Variants in ARHGEF28 observed in about 807,000 individuals in gnomAD.
ARHGEF28 encodes the protein 190 kDa guanine nucleotide exchange factor.
A neutral mutation model predicts 206.6 loss-of-function variants in ARHGEF28; 152 were observed. That is an observed-to-expected ratio of 0.74 (90% CI 0.64 to 0.84). The LOEUF (loss-of-function observed/expected upper bound fraction) is 0.84, where lower values mean the gene tolerates loss of function less well. Ranked by LOEUF, ARHGEF28 falls within the 40% of genes least tolerant of loss-of-function variation. The pLI is 0.00. For missense variants in ARHGEF28, 2,028 were observed against 2,073.2 expected (o/e 0.98, Z 0.42); for synonymous variants, 763 against 776.4 (o/e 0.98, Z 0.29).
intron 4 of ARHGEF28, among the ~76,000 whole-genome samples, chr5:73,753,494 C>T (rs1021413365): frequency 6.6e-6 from 1 of 152,200 alleles, no homozygotes; most frequent in African/African-American, 2.4e-5. Flanking sequence ...GCTCCACTTC[C>T]CTTGGCAAGT....
chr5:73,752,586 A>G (rs539532203), intron 3 of ARHGEF28, among the ~76,000 whole-genome samples: 3 of 152,254 alleles, frequency 2.0e-5, no homozygotes, highest in Admixed American at 6.5e-5. Flanking sequence ...AACAAACACA[A>G]ATTCAGGGGT....
intron 16 of ARHGEF28, among the ~76,000 whole-genome samples, chr5:73,862,565 C>T (rs1338300667): frequency 1.3e-5 from 2 of 151,984 alleles, no homozygotes; most frequent in Non-Finnish European, 2.9e-5. Flanking sequence ...TTGTCTTCTC[C>T]AGGGATTTGG....
intron 7 of ARHGEF28, among the ~76,000 whole-genome samples, chr5:73,785,258 A>G (rs1754092619): frequency 6.6e-6 from 1 of 152,178 alleles, no homozygotes; most frequent in Non-Finnish European, 1.5e-5. Context: ...CAAGAAACCT[A>G]TATAATCTTG....
At chr5:73,721,429 G>A (rs1249524748) in intron 2 of ARHGEF28, among the ~76,000 whole-genome samples, 1 of 152,198 alleles carries the variant, frequency 6.6e-6, no homozygotes, top group African/African-American at 2.4e-5. Context: ...GTGCAAATAG[G>A]GAAAAATCTG....
Position 73,776,556 on chromosome 5 carries a change from C to T in ARHGEF28, c.700C>T (p.Leu234Phe). The T allele has an allele frequency of 6.2e-7, 1 of 1,613,776 alleles. No homozygotes were observed. Among genetic ancestry groups the T allele is most frequent in the African/African-American group, 1.3e-5 (1 of 75,050 alleles). ...RWSPSFSRVQ[L>F]SEEASLHYIH... is the part of the protein sequence containing the mutation. ...GTCCCCAAGCTTCTCCCGAGTGCAG[C>T]TCAGTGAAGAAGCCTCCTTGCATTA... is the stretch of plus-strand genomic sequence containing the variant. Residue 234 changes from leucine to phenylalanine, a missense_variant, in exon 6 of 36, where the codon CTC becomes TTC. This residue lies in a region of ARHGEF28 where 1,002 missense variants were observed against 1,015.3 expected (regional missense o/e 0.99). Transcript: ENST00000513042.
chr5:73,780,466 T>C, intron 6 of ARHGEF28: 1 of 555,368 alleles, frequency 1.8e-6, no homozygotes, highest in Middle Eastern at 4.8e-4. Flanking sequence ...GCAGGGACTT[T>C]GGCCCCTGCC....
At chr5:73,678,752 G>A (rs576988955) in intron 1 of ARHGEF28, among the ~76,000 whole-genome samples, 8 of 152,124 alleles carry the variant, frequency 5.3e-5, no homozygotes, top group South Asian at 2.1e-4. Flanking sequence ...AGGGAAAAAG[G>A]CTCACTTTTT....
chr5:73,850,779 A>T (rs1463612137), intron 13 of ARHGEF28, among the ~76,000 whole-genome samples: 1 of 152,204 alleles, frequency 6.6e-6, no homozygotes. Context: ...AAACCTTTGC[A>T]TATGAGTTAG....
intron 2 of ARHGEF28, among the ~76,000 whole-genome samples, chr5:73,723,781 CT>C (rs1750110769): frequency 6.6e-6 from 1 of 152,124 alleles, no homozygotes; most frequent in African/African-American, 2.4e-5. Flanking sequence ...ATTCTAAGCC[CT>C]AAATTGAGCA....
chr5:73,882,346 C>A, intron 22 of ARHGEF28, 126 bp from the exon 23 acceptor site: 1 of 712,998 alleles, frequency 1.4e-6, no homozygotes, highest in Non-Finnish European at 2.1e-6. Flanking sequence ...TGATTGTGTT[C>A]AGAAATTCCA....
chr5:73,694,514 T>C (rs1748059719), intron 2 of ARHGEF28, among the ~76,000 whole-genome samples: 1 of 152,232 alleles, frequency 6.6e-6, no homozygotes, highest in African/African-American at 2.4e-5. Flanking sequence ...ATTTTAGGCA[T>C]GATGGAAATG....
chr5:73,726,804 T>TC (rs1750301110), intron 2 of ARHGEF28, among the ~76,000 whole-genome samples: 1 of 152,214 alleles, frequency 6.6e-6, no homozygotes, highest in African/African-American at 2.4e-5. Flanking sequence ...TATCTTTTTT[T>TC]CCCGCTGCCC....
intron 13 of ARHGEF28, among the ~76,000 whole-genome samples, chr5:73,849,354 T>C (rs1384274193): frequency 6.6e-6 from 1 of 152,100 alleles, no homozygotes; most frequent in Non-Finnish European, 1.5e-5. Context: ...TCCTCAAGGA[T>C]AGTGTAAATT....
At chr5:73,812,000 C>G (rs1186247672) in intron 9 of ARHGEF28, among the ~76,000 whole-genome samples, 1 of 145,248 alleles carries the variant, frequency 6.9e-6, no homozygotes, top group Non-Finnish European at 1.5e-5. Flanking sequence ...AAAAAAAAAG[C>G]CACAAAATAG....
At chr5:73,850,207 A>G (rs1344662998) in intron 13 of ARHGEF28, among the ~76,000 whole-genome samples, 1 of 151,942 alleles carries the variant, frequency 6.6e-6, no homozygotes, top group Non-Finnish European at 1.5e-5. Flanking sequence ...TTGAATGAGT[A>G]TGAGAAAAAG....
chr5:73,730,493 C>T (rs570089498), intron 2 of ARHGEF28, among the ~76,000 whole-genome samples: 1 of 148,952 alleles, frequency 6.7e-6, no homozygotes, highest in Non-Finnish European at 1.5e-5. Context: ...ATGTATGCAA[C>T]CTATAATCAA....
intron 9 of ARHGEF28, among the ~76,000 whole-genome samples, chr5:73,811,866 G>T (rs966776890): frequency 2.6e-5 from 4 of 151,088 alleles, no homozygotes; most frequent in African/African-American, 9.7e-5. Flanking sequence ...GCCTGTAGAC[G>T]CAACTACTCA....
intron 1 of ARHGEF28, among the ~76,000 whole-genome samples, chr5:73,667,436 G>A (rs1025209267): frequency 6.6e-6 from 1 of 152,178 alleles, no homozygotes; most frequent in African/African-American, 2.4e-5. Flanking sequence ...AGTTCCCAAG[G>A]ATGCCCTGGT....
rs189863931 is a variant in ARHGEF28, at chr5:73,750,620, C to T, written c.181+636C>T. On this transcript the variant is annotated intron_variant, in intron 3 of 35. Transcript: ENST00000513042. ...AATATATCCTGTTCACATATTGTGA[C>T]GAGCTAATAGCCCTTCTCAATATAG... Among the ~76,000 whole-genome samples the T allele has an allele frequency of 6.6e-5, 10 of 152,056 alleles. No individual in the cohort carries two copies. The East Asian group carries it at 7.7e-4, about 12-fold the overall frequency.
Sources: gnomAD v4.1 joint callset for allele counts (sites outside exome capture counted in the v4.1 genomes callset) on GRCh38, gnomAD v4.1.1 for gene constraint, gnomAD v4.1.1 regional missense constraint, MANE v1.5 for transcripts, NCBI Gene and HGNC (gene_info 2026-07-23, HGNC 2026-07-21) for gene names.